The following RBFOX1 variants were observed in gnomAD, a reference collection of about 807,000 sequenced individuals.
RBFOX1 encodes the protein RNA binding protein fox-1 homolog 1.
Under a neutral mutation model 57.7 loss-of-function variants are expected in RBFOX1, and 8 were observed. The observed-to-expected ratio is 0.14, with a 90% CI of 0.08 to 0.25. RBFOX1 has a LOEUF of 0.25. RBFOX1 is among the 10% of genes least tolerant of loss of function. The probability of loss-of-function intolerance (pLI) is 1.00; values close to 1 mark genes in which losing one functional copy is unlikely to be tolerated. For missense variants in RBFOX1, 611 were observed against 548.5 expected (o/e 1.11, Z -1.14); for synonymous variants, 326 against 222.4 (o/e 1.47, Z -4.15).
In RBFOX1 at chr16:6,124,533, C is replaced by T. The variant is rs1246406494; in HGVS notation, c.-127+104541C>T. Among the ~76,000 whole-genome samples the T allele has an allele frequency of 3.3e-5, 5 of 152,070 alleles. No homozygotes were observed. The South Asian group carries it at 6.2e-4, about 19-fold the overall frequency. On this transcript the variant is annotated intron_variant, in intron 1 of 15. Transcript: ENST00000550418. Reference sequence around the variant, plus strand: ...TTTTTTCTTTTTTTTGAGACAGTCTCCCTCTGTTGCCCAGACTGGGGTGCA... The same window carrying T: ...TTTTTTCTTTTTTTTGAGACAGTCTTCCTCTGTTGCCCAGACTGGGGTGCA...
At chr16:5,623,331 G>C (rs942915555) in intron 3 of RBFOX1, among the ~76,000 whole-genome samples, 2 of 152,128 alleles carry the variant, frequency 1.3e-5, no homozygotes, top group Non-Finnish European at 2.9e-5. Flanking sequence ...CACCTAGGCA[G>C]TTCCTCAAAA....
chr16:5,751,669 G>A (rs1411708712), intron 3 of RBFOX1, among the ~76,000 whole-genome samples: 3 of 152,178 alleles, frequency 2.0e-5, no homozygotes, highest in African/African-American at 7.2e-5. Context: ...TTTGGAAGTG[G>A]TAGTGGTCCA....
intron 1 of RBFOX1, among the ~76,000 whole-genome samples, chr16:6,218,368 G>T (rs2097349905): frequency 6.6e-6 from 1 of 151,984 alleles, no homozygotes; most frequent in Non-Finnish European, 1.5e-5. Flanking sequence ...GAGTGCAGTG[G>T]CACAATCTCG....
In RBFOX1 at chr16:7,055,015, C is replaced by T. The variant is rs143704902; in HGVS notation, c.27+2917C>T. On this transcript the variant is annotated intron_variant, in intron 4 of 15. Transcript: ENST00000550418. Reference sequence around the variant, plus strand: ...GTTAGGATCTCCTTTCTTTTTCTCACGAAGCCTAAATTAATTTTTCCAAAA... The same window carrying T: ...GTTAGGATCTCCTTTCTTTTTCTCATGAAGCCTAAATTAATTTTTCCAAAA... 1.7e-3 allele frequency among the ~76,000 whole-genome samples: 259 copies of T among 152,204 alleles called. 1 individual carries two copies. The highest frequency in any genetic ancestry group is 5.8e-3 in the African/African-American group (239 of 41,546).
At chr16:6,262,320 AT>A (rs1390909683) in intron 1 of RBFOX1, among the ~76,000 whole-genome samples, 1 of 152,180 alleles carries the variant, frequency 6.6e-6, no homozygotes, top group Non-Finnish European at 1.5e-5. Flanking sequence ...ACATTTCATT[AT>A]CCCGAAATTA....
At chr16:7,000,099 G>A (rs2092652843) in intron 3 of RBFOX1, among the ~76,000 whole-genome samples, 1 of 150,054 alleles carries the variant, frequency 6.7e-6, no homozygotes. Flanking sequence ...GATTATTTAA[G>A]TAGGTGTCCA....
At position 5,855,221 on chromosome 16, in the gene RBFOX1, A is replaced by C. The variant is rs145930966; in HGVS notation, c.319-12082A>C. ...TTCCTTTGCTGTGCAGAAGATTTTT[A>C]GTTTGATGAAAGCCTACTTGTTCAT... On this transcript the variant is annotated intron_variant, in intron 3 of 19. Coordinates refer to the RBFOX1 transcript ENST00000641259. Among the ~76,000 whole-genome samples the C allele has an allele frequency of 3.2e-3, 482 of 152,148 alleles. 5 individuals carry two copies. The highest frequency in any genetic ancestry group is 0.011 in the African/African-American group (460 of 41,522).
intron 2 of RBFOX1, among the ~76,000 whole-genome samples, chr16:6,494,174 G>A (rs551257567): frequency 2.6e-5 from 4 of 152,240 alleles, no homozygotes; most frequent in South Asian, 2.1e-4. Context: ...GTATCACATC[G>A]TATCGAGGAT....
At chr16:7,512,935 A>C (rs1456184774) in intron 4 of RBFOX1, among the ~76,000 whole-genome samples, 1 of 152,192 alleles carries the variant, frequency 6.6e-6, no homozygotes, top group Non-Finnish European at 1.5e-5. Flanking sequence ...ACACAGGTCC[A>C]TGGTGTGTGT....
At chr16:5,275,668 T>C (rs1250913102) in intron 1 of RBFOX1, among the ~76,000 whole-genome samples, 3 of 151,982 alleles carry the variant, frequency 2.0e-5, no homozygotes, top group African/African-American at 7.2e-5. Flanking sequence ...TCATTCTTTA[T>C]AGAACTAGAA....
chr16:6,892,384 C>T (rs1021546851), intron 3 of RBFOX1, among the ~76,000 whole-genome samples: 1 of 152,132 alleles, frequency 6.6e-6, no homozygotes, highest in Non-Finnish European at 1.5e-5. Context: ...TATCCAAAGT[C>T]TGAGACCAGG....
chr16:6,094,762 T>C (rs115254267), intron 1 of RBFOX1, among the ~76,000 whole-genome samples: 2,345 of 152,228 alleles, frequency 0.015, 43 homozygotes, highest in African/African-American at 0.042. Flanking sequence ...AGGATTAAAT[T>C]AAATTATACC....
chr16:6,280,351 C>G (rs1291351898), intron 1 of RBFOX1, among the ~76,000 whole-genome samples: 2 of 152,068 alleles, frequency 1.3e-5, no homozygotes, highest in African/African-American at 4.8e-5. Context: ...CTCTCTCTTC[C>G]TTTTTTTGTT....
At chr16:5,784,267 A>C (rs1401238981) in intron 3 of RBFOX1, among the ~76,000 whole-genome samples, 1 of 152,096 alleles carries the variant, frequency 6.6e-6, no homozygotes, top group Admixed American at 6.5e-5. Flanking sequence ...TAAAAATACA[A>C]AAAAACAAAA....
intron 4 of RBFOX1, among the ~76,000 whole-genome samples, chr16:7,507,090 T>C (rs2073578607): frequency 6.6e-6 from 1 of 152,216 alleles, no homozygotes; most frequent in Admixed American, 6.5e-5. Flanking sequence ...AAAGGTTGAA[T>C]GACTTGCCAA....
chr16:6,218,601 C>T (rs182908726), intron 1 of RBFOX1, among the ~76,000 whole-genome samples: 3 of 152,242 alleles, frequency 2.0e-5, no homozygotes, highest in East Asian at 1.9e-4. Context: ...TGCACCACTG[C>T]GCCGGCCTTA....
intron 3 of RBFOX1, among the ~76,000 whole-genome samples, chr16:6,759,055 G>A (rs1379317385): frequency 6.6e-6 from 1 of 152,060 alleles, no homozygotes; most frequent in Non-Finnish European, 1.5e-5. Context: ...TGCATTTAAG[G>A]TTCCCGTTAT....
chr16:6,230,810 A>G (rs775540597), intron 1 of RBFOX1, among the ~76,000 whole-genome samples: 9 of 152,364 alleles, frequency 5.9e-5, no homozygotes, highest in Non-Finnish European at 1.2e-4. Context: ...CGCATAGTAC[A>G]AAGAGATGGA....
intron 4 of RBFOX1, among the ~76,000 whole-genome samples, chr16:7,099,556 AT>A (rs1328799113): frequency 1.3e-5 from 2 of 152,114 alleles, no homozygotes; most frequent in Non-Finnish European, 2.9e-5. Flanking sequence ...TAGAAAGGTT[AT>A]TTTGCTGAGG....
Sources: gnomAD v4.1 joint callset for allele counts (sites outside exome capture counted in the v4.1 genomes callset) on GRCh38, gnomAD v4.1.1 for gene constraint, MANE v1.5 for transcripts, NCBI Gene and HGNC (gene_info 2026-07-23, HGNC 2026-07-21) for gene names.